The following SYTL2 variants were observed in gnomAD, a reference collection of about 807,000 sequenced individuals.
SYTL2 encodes the protein synaptotagmin-like protein 2.
In SYTL2, 165 loss-of-function variants were observed where a neutral mutation model predicts 198.7. That is an observed-to-expected ratio of 0.83 (90% CI 0.73 to 0.94). The LOEUF (loss-of-function observed/expected upper bound fraction) is 0.94. Among genes scored for constraint, SYTL2 ranks in the 40% least tolerant of loss-of-function variants. The pLI, the probability that SYTL2 is intolerant of heterozygous loss-of-function variation, is 0.00. For missense variants in SYTL2, 2,835 were observed against 2,582.8 expected (o/e 1.10, Z -2.12); for synonymous variants, 966 against 917.7 (o/e 1.05, Z -0.95).
intron 1 of SYTL2, among the ~76,000 whole-genome samples, chr11:85,789,718 T>G (rs1465897590): frequency 6.6e-6 from 1 of 152,028 alleles, no homozygotes; most frequent in Admixed American, 6.6e-5. Flanking sequence ...ATTCTATTGA[T>G]GAGGAAACTT....
chr11:85,733,374 G>C (rs769181089), intron 7 of SYTL2, among the ~76,000 whole-genome samples: 1 of 151,986 alleles, frequency 6.6e-6, no homozygotes, highest in East Asian at 1.9e-4. Context: ...AGTTGATATG[G>C]TTATATATAT....
chr11:85,739,183 G>C (rs2090590130), intron 4 of SYTL2, among the ~76,000 whole-genome samples: 1 of 151,648 alleles, frequency 6.6e-6, no homozygotes, highest in Non-Finnish European at 1.5e-5. Flanking sequence ...ACTGGTGAAT[G>C]GCTAAATAAA....
At chr11:85,845,630 C>T in the SYTL2 span, among the ~76,000 whole-genome samples, 1 of 151,914 alleles carries the variant, frequency 6.6e-6, no homozygotes, top group South Asian at 2.1e-4. Flanking sequence ...TAAAATAGGC[C>T]AGGCGTGGTG....
chr11:85,769,251 T>G (rs1191968680), intron 1 of SYTL2, among the ~76,000 whole-genome samples: 2 of 152,152 alleles, frequency 1.3e-5, no homozygotes, highest in Non-Finnish European at 2.9e-5. Context: ...GTTAAGAATC[T>G]TGTGGGGAGA....
At chr11:85,801,176 T>G (rs1251926308) in intron 1 of SYTL2, among the ~76,000 whole-genome samples, 1 of 152,220 alleles carries the variant, frequency 6.6e-6, no homozygotes, top group Non-Finnish European at 1.5e-5. Flanking sequence ...CAATAGTGCA[T>G]GCTAAGCACA....
intron 1 of SYTL2, among the ~76,000 whole-genome samples, chr11:85,779,517 GATATGTGT>G (rs2092520786): frequency 6.6e-6 from 1 of 152,082 alleles, no homozygotes; most frequent in South Asian, 2.1e-4. Context: ...GTTGTGTATA[GATATGTGT>G]ATATATGGAT....
chr11:85,828,753 C>T, the SYTL2 span, among the ~76,000 whole-genome samples: 1 of 152,336 alleles, frequency 6.6e-6, no homozygotes, highest in African/African-American at 2.4e-5. Context: ...AATGAGGATG[C>T]TAAGGCCACG....
chr11:85,793,516 G>C (rs973375522), intron 1 of SYTL2, among the ~76,000 whole-genome samples: 5 of 152,154 alleles, frequency 3.3e-5, no homozygotes, highest in African/African-American at 1.2e-4. Flanking sequence ...TCTTTTTCCT[G>C]TTCAGGGACT....
chr11:85,853,013 T>G, the SYTL2 span: 306 of 318,024 alleles, frequency 9.6e-4, 1 homozygote, highest in African/African-American at 7.0e-3. Flanking sequence ...GAGGAGCCCC[T>G]GCGCCCGGCA....
chr11:85,719,672 G>C (rs1426610284), intron 9 of SYTL2, among the ~76,000 whole-genome samples: 1 of 152,106 alleles, frequency 6.6e-6, no homozygotes, highest in Non-Finnish European at 1.5e-5. Flanking sequence ...TGCATTGAGG[G>C]GAGGTTAAAA....
intron 1 of SYTL2, among the ~76,000 whole-genome samples, chr11:85,758,801 T>A (rs1283501788): frequency 2.0e-5 from 3 of 152,206 alleles, no homozygotes; most frequent in Admixed American, 6.5e-5. Context: ...AATCCTATTT[T>A]CTTTGAGGCA....
chr11:85,727,206 T>A lies in SYTL2; in HGVS notation c.2152A>T (p.Thr718Ser). The A allele has an allele frequency of 2.0e-6, 3 of 1,536,466 alleles. No individual in the cohort carries two copies. The highest frequency in any genetic ancestry group is 2.6e-6 in the Non-Finnish European group (3 of 1,146,980). ...GHSEVNFDSS[T>S]VVKEPGLKDN... ...TTCAAACCTGGTTCTTTGACAACTG[T>A]TGAAGAGTCAAAATTCACTTCTGAG... Residue 718 changes from threonine (T) to serine (S), a missense_variant, in exon 8 of 20, where the codon ACA (threonine) becomes TCA (serine). Thr to Ser is a moderately conservative substitution (Grantham distance 58). Transcript: ENST00000359152.
chr11:85,782,532 G>T (rs1053361589), intron 1 of SYTL2, among the ~76,000 whole-genome samples: 1 of 152,154 alleles, frequency 6.6e-6, no homozygotes, highest in African/African-American at 2.4e-5. Flanking sequence ...CCAGAAAATG[G>T]TTTTTTCTTT....
At chr11:85,768,094 A>T (rs75602638) in intron 1 of SYTL2, among the ~76,000 whole-genome samples, 3,093 of 152,214 alleles carry the variant, frequency 0.02, 51 homozygotes, top group Non-Finnish European at 0.033. Flanking sequence ...GTCTCCAAGG[A>T]CTTTGTGCTC....
At position 85,717,208 on chromosome 11, in the gene SYTL2, T is replaced by C. The variant is rs533700482; in HGVS notation, c.5530+275A>G. 1.5e-3 allele frequency: 308 copies of C among 201,862 alleles called. 9 individuals are homozygous for C. The South Asian group carries it at 0.033, about 22-fold the overall frequency. The allele number at this position is 201,862 out of a possible 1,614,324, so 12.5% of individuals were successfully genotyped here. On this transcript the variant is annotated intron_variant, in intron 11 of 19. Coordinates refer to ENST00000359152, the MANE Select transcript of SYTL2 (RefSeq NM_206927.4). ...CTTTTAAGCAGAGATTCAAACAGCA[T>C]AGAGACTGACAAAAGCACAATAATA...
rs2090098943 is a variant in SYTL2, at chr11:85,734,031, T to C, written c.1298A>G (p.Gln433Arg). 5.6e-6 allele frequency: 9 copies of C among 1,613,948 alleles called. No individual in the cohort carries two copies. The African/African-American group carries it at 1.2e-4, about 22-fold the overall frequency. The part of the protein sequence containing the change: ...SHSEVLTARP[Q>R]SMENSPTINE... ...GATGGTTGGTGAATTCTCCATAGAC[T>C]GTGGTCTTGCAGTTAAAACTTCTGA... The change falls in exon 7 of 20, where the codon CAG becomes CGG. Residue 433 changes from glutamine to arginine, a missense_variant. Coordinates refer to ENST00000359152, the MANE Select transcript of SYTL2 (RefSeq NM_206927.4).
intron 1 of SYTL2, among the ~76,000 whole-genome samples, chr11:85,797,961 C>A (rs1278098305): frequency 6.6e-6 from 1 of 152,014 alleles, no homozygotes; most frequent in African/African-American, 2.4e-5. Flanking sequence ...TCAAGAGATT[C>A]TCCTGCCTCA....
In SYTL2 at chr11:85,748,314, T is replaced by C; in HGVS notation, c.211A>G (p.Ile71Val). Reference protein sequence around the residue: ...RHRDKIHGADIIRASMRKKRP... With the variant: ...RHRDKIHGADVIRASMRKKRP... ...TTCTTTCTCATAGATGCTCTGATGA[T>C]ATCTGCGCCATGGATTTTGTCCCTG... The change falls in exon 3 of 20, where the codon ATC becomes GTC. Residue 71 changes from isoleucine (I) to valine (V), a missense_variant. Coordinates refer to ENST00000359152, the MANE Select transcript of SYTL2 (RefSeq NM_206927.4). 2 of 1,614,052 alleles carry C rather than the reference T, an allele frequency of 1.2e-6. No homozygotes were observed. Among genetic ancestry groups the C allele is most frequent in the Non-Finnish European group, 1.7e-6 (2 of 1,179,916 alleles).
At chr11:85,705,482 C>T (rs887711844) in intron 15 of SYTL2, among the ~76,000 whole-genome samples, 1 of 152,084 alleles carries the variant, frequency 6.6e-6, no homozygotes, top group African/African-American at 2.4e-5. Context: ...ACAGAGTTCC[C>T]ATATGCCATG....
Sources: allele counts gnomAD v4.1 joint callset (sites outside exome capture counted in the v4.1 genomes callset), GRCh38; gene constraint gnomAD v4.1.1; transcripts MANE v1.5; gene names NCBI Gene and HGNC (gene_info 2026-07-23, HGNC 2026-07-21).